ZBTB20: variants seen among roughly 807,000 people sequenced by gnomAD.
ZBTB20 encodes the protein zinc finger and BTB domain containing 20.
Under a neutral mutation model 56.9 loss-of-function variants are expected in ZBTB20, and 9 were observed. The ratio of observed to expected loss-of-function variants is 0.16; its 90% confidence interval spans 0.10 to 0.28. The LOEUF is 0.28. ZBTB20 is among the 10% of genes least tolerant of loss of function. The pLI is 1.00. For missense variants in ZBTB20, 655 were observed against 1,003.0 expected (o/e 0.65, Z 4.69); for synonymous variants, 417 against 420.7 (o/e 0.99, Z 0.11).
At chr3:115,075,434 G>C (rs949066806) in intron 1 of ZBTB20, among the ~76,000 whole-genome samples, 3 of 152,042 alleles carry the variant, frequency 2.0e-5, no homozygotes, top group Non-Finnish European at 4.4e-5. Context: ...TCAAGTTTTA[G>C]CCATGTTGTC....
intron 7 of ZBTB20, among the ~76,000 whole-genome samples, chr3:114,410,763 A>T (rs2087862533): frequency 1.3e-5 from 2 of 152,164 alleles, no homozygotes; most frequent in South Asian, 4.1e-4. Context: ...GAGAAAAATC[A>T]GGCTCTATAG....
At chr3:114,634,194 T>C (rs1472176008) in intron 6 of ZBTB20, among the ~76,000 whole-genome samples, 1 of 152,184 alleles carries the variant, frequency 6.6e-6, no homozygotes, top group Admixed American at 6.5e-5. Flanking sequence ...CTAAGTCCAA[T>C]ACTAAAAATA....
intron 5 of ZBTB20, among the ~76,000 whole-genome samples, chr3:114,787,159 T>G (rs1237756305): frequency 6.6e-6 from 1 of 151,240 alleles, no homozygotes; most frequent in East Asian, 1.9e-4. Context: ...TTTTTTTTCC[T>G]TAGAGACAGG....
intron 5 of ZBTB20, among the ~76,000 whole-genome samples, chr3:114,740,426 G>T (rs1021509452): frequency 6.6e-6 from 1 of 152,124 alleles, no homozygotes; most frequent in East Asian, 1.9e-4. Context: ...ACAAACACAT[G>T]CATCAAAATG....
intron 6 of ZBTB20, among the ~76,000 whole-genome samples, chr3:114,614,592 C>T (rs1407921780): frequency 6.6e-6 from 1 of 152,094 alleles, no homozygotes; most frequent in Non-Finnish European, 1.5e-5. Flanking sequence ...TTTTCTGAAC[C>T]ATGATAATTC....
intron 5 of ZBTB20, among the ~76,000 whole-genome samples, chr3:114,715,594 G>A (rs1211705878): frequency 6.6e-6 from 1 of 152,158 alleles, no homozygotes; most frequent in Non-Finnish European, 1.5e-5. Context: ...GTCCCCAACA[G>A]GTGAACGTTA....
In ZBTB20 at chr3:114,996,196, A is replaced by AT. The variant is rs1291756041; in HGVS notation, c.-506-21781dup. Among the ~76,000 whole-genome samples, 4 of 151,720 alleles carry AT rather than the reference A, an allele frequency of 2.6e-5. No homozygotes were observed. In the East Asian group the frequency reaches 5.9e-4, roughly 22 times the overall value. On this transcript the variant is annotated intron_variant, in intron 2 of 11. Coordinates refer to ENST00000675478, the MANE Select transcript of ZBTB20 (RefSeq NM_001348800.3). ...AACATGTAGAATGGTGAGAAATCTTATTTTTTTCTTTTCTTTTTTTTATTA... is the reference window on the plus strand; with the variant it reads ...AACATGTAGAATGGTGAGAAATCTTATTTTTTTTCTTTTCTTTTTTTTATTA...
chr3:114,935,519 T>A (rs1308318227), intron 3 of ZBTB20, among the ~76,000 whole-genome samples: 1 of 152,224 alleles, frequency 6.6e-6, no homozygotes, highest in African/African-American at 2.4e-5. Flanking sequence ...AAAATTAGGT[T>A]AAAGCAAAAA....
chr3:114,591,547 C>T (rs566522387), intron 6 of ZBTB20, among the ~76,000 whole-genome samples: 1 of 152,212 alleles, frequency 6.6e-6, no homozygotes, highest in South Asian at 2.1e-4. Context: ...GACAATCCCA[C>T]ACAAAAGAAG....
chr3:114,911,151 T>C (rs1416033803), intron 3 of ZBTB20, among the ~76,000 whole-genome samples: 3 of 151,842 alleles, frequency 2.0e-5, no homozygotes, highest in African/African-American at 7.3e-5. Context: ...GTTGAAACTT[T>C]GGGGCTCAAG....
intron 10 of ZBTB20, 28 bp from the exon 11 acceptor site, chr3:114,351,906 C>T: frequency 6.4e-7 from 1 of 1,568,464 alleles, no homozygotes; most frequent in Non-Finnish European, 8.7e-7. Context: ...AGACACAAAA[C>T]AGGGCATGGG....
chr3:114,339,126 C>T lies in ZBTB20; in HGVS notation c.2105G>A (p.Gly702Asp). 3 of 1,611,118 alleles carry T rather than the reference C, an allele frequency of 1.9e-6. No homozygotes were observed. The highest frequency in any genetic ancestry group is 2.5e-6 in the Non-Finnish European group (3 of 1,178,080). Residue 702 changes from glycine (G) to aspartate (D), a missense_variant, in exon 12 of 12, where the codon GGC (glycine) becomes GAC (aspartate). Physicochemically the swap from Gly to Asp is moderately conservative, Grantham distance 94 (BLOSUM62 -1). Around this residue, in one of 10 missense-constraint regions of ZBTB20, gnomAD observed 89 missense variants for 79.7 expected, o/e 1.12. Coordinates refer to ENST00000675478, the MANE Select transcript of ZBTB20 (RefSeq NM_001348800.3). This position sits in a 1 kb window ranked among gnomAD's most constrained non-coding sequence, Gnocchi z 4.2. ...PAGTPPGARA[G>D]PPGVVACTEG... ...CGTGCAGGCCACCACGCCTGGGGGGCCAGCGCGGGCACCTGGGGGTGTGCC... is the reference window on the plus strand; with the variant it reads ...CGTGCAGGCCACCACGCCTGGGGGGTCAGCGCGGGCACCTGGGGGTGTGCC...
At chr3:114,881,704 T>A (rs992884651) in intron 4 of ZBTB20, among the ~76,000 whole-genome samples, 29 of 152,018 alleles carry the variant, frequency 1.9e-4, no homozygotes, top group Admixed American at 1.6e-3. Context: ...CTAATATGCT[T>A]TCTTTTTACC....
intron 2 of ZBTB20, among the ~76,000 whole-genome samples, chr3:115,022,182 G>A (rs904172062): frequency 1.3e-5 from 2 of 150,464 alleles, no homozygotes; most frequent in African/African-American, 2.4e-5. Context: ...CATGGAAAAA[G>A]TATTATTTAT....
At chr3:114,698,876 G>T (rs1453982789) in intron 5 of ZBTB20, among the ~76,000 whole-genome samples, 1 of 152,076 alleles carries the variant, frequency 6.6e-6, no homozygotes, top group Non-Finnish European at 1.5e-5. Flanking sequence ...ACTTGCCATG[G>T]TGCTTGGCAC....
intron 1 of ZBTB20, among the ~76,000 whole-genome samples, chr3:115,080,366 G>A (rs2082753995): frequency 6.6e-6 from 1 of 152,122 alleles, no homozygotes; most frequent in Non-Finnish European, 1.5e-5. Flanking sequence ...CATTGTACTA[G>A]AAGGGGAACT....
chr3:114,480,333 C>T (rs528284710), intron 7 of ZBTB20, among the ~76,000 whole-genome samples: 2 of 152,124 alleles, frequency 1.3e-5, no homozygotes, highest in Admixed American at 1.3e-4. Flanking sequence ...AACTCAAAAA[C>T]ATGTTTGTTT....
At chr3:115,060,024 T>A in intron 2 of ZBTB20, among the ~76,000 whole-genome samples, 1 of 152,168 alleles carries the variant, frequency 6.6e-6, no homozygotes, top group Admixed American at 6.6e-5. Context: ...ACCACTGATA[T>A]ATAAAATACT....
At chr3:114,970,996 C>G (rs2077857965) in intron 3 of ZBTB20, among the ~76,000 whole-genome samples, 1 of 146,600 alleles carries the variant, frequency 6.8e-6, no homozygotes, top group Admixed American at 6.8e-5. Context: ...GCCTGGGCAA[C>G]AGAGCGAGAC....
Sources: allele counts gnomAD v4.1 joint callset (sites outside exome capture counted in the v4.1 genomes callset), GRCh38; gene constraint gnomAD v4.1.1; regional missense constraint gnomAD v4.1.1; non-coding constraint Gnocchi (gnomAD v3.1); transcripts MANE v1.5; gene names NCBI Gene and HGNC (gene_info 2026-07-23, HGNC 2026-07-21).